Variants in NECAB2 observed in about 807,000 individuals in gnomAD.
The protein encoded by NECAB2 is N-terminal EF-hand calcium binding protein 2, also known as N-terminal EF-hand calcium-binding protein 2.
In NECAB2, 68 loss-of-function variants were observed where a neutral mutation model predicts 51.9. That is an observed-to-expected ratio of 1.31 (90% CI 1.08 to 1.60). The LOEUF is 1.60. Ranked by LOEUF, NECAB2 falls within the 40% of genes most tolerant of loss-of-function variation. NECAB2 has a pLI of 0.00. For synonymous variants in NECAB2, 329 were observed against 203.5 expected (o/e 1.62, Z -5.25); for missense variants, 854 against 490.3 (o/e 1.74, Z -7.00).
intron 10 of NECAB2, 24 bp downstream of exon 10, chr16:83,998,341 G>T (rs1255674891): frequency 6.2e-7 from 1 of 1,606,822 alleles, no homozygotes; most frequent in Non-Finnish European, 8.5e-7. Flanking sequence ...CGAGGCGTGG[G>T]TGGGATGGTG....
chr16:84,001,138 G>C (rs1597233658), intron 11 of NECAB2, among the ~76,000 whole-genome samples: 1 of 152,120 alleles, frequency 6.6e-6, no homozygotes, highest in Non-Finnish European at 1.5e-5. Context: ...AACCTAGAAG[G>C]TGACTCAGTC....
chr16:84,001,651 C>T (rs992774205), intron 11 of NECAB2, among the ~76,000 whole-genome samples, 174 bp from the exon 12 acceptor site: 3 of 151,864 alleles, frequency 2.0e-5, no homozygotes, highest in East Asian at 1.9e-4. Context: ...CTGCCCACCC[C>T]AGAGTCAGCC....
chr16:83,990,705 G>C, intron 6 of NECAB2, 75 bp downstream of exon 6: 1 of 1,572,250 alleles, frequency 6.4e-7, no homozygotes, highest in East Asian at 2.3e-5. Context: ...CTGCTTGGTG[G>C]GGATGTCTGT....
chr16:84,001,830 T>TGTGAC lies in NECAB2; in HGVS notation c.1047_1048insTGACG (p.Gln350Ter), dbSNP rs2084842731. ...CACATGTCCCTGCGTCACAGGCACC[T>TGTGAC]GCAGAGCCCCCTGTGTAAGGCGTTC... is the stretch of plus-strand genomic sequence containing the variant. On this transcript the variant is annotated stop_gained and frameshift_variant, in exon 12 of 13. Transcript: ENST00000305202. LOFTEE classifies it high-confidence loss of function. 1 of 1,613,902 alleles carries TGTGAC rather than the reference T, an allele frequency of 6.2e-7. No individual in the cohort carries two copies. The highest frequency in any genetic ancestry group is 1.3e-5 in the African/African-American group (1 of 74,914).
chr16:83,979,380 C>A (rs117393926), intron 3 of NECAB2, among the ~76,000 whole-genome samples: 1 of 152,198 alleles, frequency 6.6e-6, no homozygotes, highest in African/African-American at 2.4e-5. Flanking sequence ...TACCACCAAA[C>A]CAGTGTGCAA....
intron 10 of NECAB2, among the ~76,000 whole-genome samples, chr16:83,999,192 TAGCCTGGGC>T (rs2084771668): frequency 1.3e-5 from 2 of 150,728 alleles, no homozygotes; most frequent in South Asian, 4.2e-4. Context: ...AGGGGAGGAG[TAGCCTGGGC>T]AGGAGTGCGG....
chr16:83,997,291 C>A (rs1412032134), intron 9 of NECAB2, 22 bp downstream of exon 9: 1 of 1,613,976 alleles, frequency 6.2e-7, no homozygotes, highest in Non-Finnish European at 8.5e-7. Context: ...TCCCACCTCT[C>A]TTCTGGGACC....
rs1214340572 is a variant in NECAB2 at position 83,990,502 on chromosome 16, G to C, written c.468G>C (p.Glu156Asp). 6.2e-7 allele frequency: 1 copy of C among 1,614,098 alleles called. No homozygotes were observed. Among genetic ancestry groups the C allele is most frequent in the African/African-American group, 1.3e-5 (1 of 75,036 alleles). Residue 156 changes from glutamate (E) to aspartate (D), a missense_variant, in exon 6 of 13, where the codon GAG becomes GAC. Glu to Asp is a conservative substitution (Grantham distance 45). Transcript: ENST00000305202. ...KAMGYTKKVY[E>D]GGSNVDQFVT... ...TTCTCTTCCTTCCACAGGTATATGA[G>C]GGTGGGAGCAACGTGGACCAGTTTG...
chr16:83,980,796 C>T (rs1185055885), intron 3 of NECAB2, 43 bp from the exon 4 acceptor site: 2 of 1,555,792 alleles, frequency 1.3e-6, no homozygotes, highest in South Asian at 1.2e-5. Context: ...CTGCTAACCC[C>T]CTCTCTGTCT....
chr16:83,965,965 G>A (rs2084275870), upstream of NECAB2: 2 of 1,606,160 alleles, frequency 1.2e-6, no homozygotes, highest in African/African-American at 1.3e-5. Context: ...CCTTGGCTGT[G>A]GCCAGCTCCC....
At chr16:83,983,582 G>T (rs972432998) in intron 5 of NECAB2, among the ~76,000 whole-genome samples, 1 of 152,144 alleles carries the variant, frequency 6.6e-6, no homozygotes, top group Non-Finnish European at 1.5e-5. Flanking sequence ...ATTTTTAAAT[G>T]ATCATATGAT....
At chr16:83,978,307 G>T in intron 2 of NECAB2, 137 bp from the exon 3 acceptor site, 1 of 652,084 alleles carries the variant, frequency 1.5e-6, no homozygotes, top group Non-Finnish European at 2.7e-6. Context: ...GGGATTAGCT[G>T]GGAGGGTAGG....
At chr16:83,994,086 G>A (rs777895288) in intron 6 of NECAB2, among the ~76,000 whole-genome samples, 6 of 152,198 alleles carry the variant, frequency 3.9e-5, no homozygotes, top group African/African-American at 1.4e-4. Context: ...AGCTGAATTC[G>A]AATCCCAGCT....
rs369264019 is a variant in NECAB2, at chr16:83,998,407, G to C, written c.962+90G>C. ...AGGGCAGGACTAGGCTTTGCCCTAA[G>C]TAGTACAAGTTGCACCCCAGGGACA... On this transcript the variant is annotated intron_variant, in intron 10 of 12. Coordinates refer to ENST00000305202, the MANE Select transcript of NECAB2 (RefSeq NM_019065.3). 5 of 1,253,434 alleles carry C rather than the reference G, an allele frequency of 4.0e-6. No individual in the cohort carries two copies. In the African/African-American group the frequency reaches 5.9e-5, roughly 15 times the overall value. The allele number at this position is 1,253,434 out of a possible 1,614,324, so 77.6% of individuals were successfully genotyped here. A position where few individuals can be genotyped will look rare whatever the true frequency, so the allele number is the denominator to read the frequency against.
intron 10 of NECAB2, among the ~76,000 whole-genome samples, chr16:83,999,253 A>G (rs1034986549): frequency 6.7e-6 from 1 of 149,130 alleles, no homozygotes; most frequent in Admixed American, 6.6e-5. Flanking sequence ...GCCATTCTTG[A>G]GTAAGTAGCC....
At chr16:83,986,717 C>T (rs951303107) in intron 5 of NECAB2, among the ~76,000 whole-genome samples, 5 of 149,686 alleles carry the variant, frequency 3.3e-5, no homozygotes, top group African/African-American at 1.2e-4. Context: ...ACAGGGTTTC[C>T]CTATTTTGCT....
chr16:84,000,415 C>T (rs990572117), intron 10 of NECAB2, among the ~76,000 whole-genome samples: 1 of 152,244 alleles, frequency 6.6e-6, no homozygotes, highest in Admixed American at 6.5e-5. Context: ...CTAGTCCCCG[C>T]TACTTGGAAG....
At position 83,971,991 on chromosome 16, in the gene NECAB2, G is replaced by A. The variant is rs148820754; in HGVS notation, c.202-160G>A. ...GCAACATCCCTCATCAGTTCCCCCTGGATCCCAGCCCGGGGAGGGGGAGAG... is the reference window on the plus strand; with the variant it reads ...GCAACATCCCTCATCAGTTCCCCCTAGATCCCAGCCCGGGGAGGGGGAGAG... On this transcript the variant is annotated intron_variant, in intron 1 of 12. Transcript: ENST00000305202. The A allele has an allele frequency of 0.053, 50,735 of 956,806 alleles. 1,642 individuals are homozygous for A. Among genetic ancestry groups the A allele is most frequent in the Non-Finnish European group, 0.067 (42,844 of 642,656 alleles). The allele number at this position is 956,806 out of a possible 1,614,324, so 59.3% of individuals were successfully genotyped here.
chr16:83,990,694 G>C, intron 6 of NECAB2, 64 bp downstream of exon 6: 2 of 1,581,576 alleles, frequency 1.3e-6, no homozygotes, highest in Non-Finnish European at 1.7e-6. Context: ...GTGCCCACCT[G>C]CTGCTTGGTG....
Sources: allele counts gnomAD v4.1 joint callset (sites outside exome capture counted in the v4.1 genomes callset), GRCh38; gene constraint gnomAD v4.1.1; transcripts MANE v1.5; gene names NCBI Gene and HGNC (gene_info 2026-07-23, HGNC 2026-07-21).